Variants in TMPRSS11F observed in about 807,000 individuals in gnomAD.
The protein encoded by TMPRSS11F is transmembrane serine protease 11F.
Under a neutral mutation model 60.2 loss-of-function variants are expected in TMPRSS11F, and 47 were observed. The observed-to-expected ratio is 0.78, with a 90% confidence interval of 0.62 to 1.00. TMPRSS11F has a LOEUF of 1.00. TMPRSS11F is among the 50% of genes least tolerant of loss of function. TMPRSS11F has a pLI of 0.00. For synonymous variants in TMPRSS11F, 166 were observed against 167.3 expected, an observed-to-expected ratio of 0.99 and a Z score of 0.06; for missense variants, 519 against 522.9, an observed-to-expected ratio of 0.99 and a Z score of 0.07.
intron 9 of TMPRSS11F, among the ~76,000 whole-genome samples, chr4:68,055,577 A>C (rs535939460): frequency 6.6e-6 from 1 of 152,220 alleles, no homozygotes; most frequent in East Asian, 1.9e-4. Context: ...TGAATCAGTA[A>C]TTAAAAAGTC....
chr4:68,101,099 C>T (rs1382912232), intron 1 of TMPRSS11F, among the ~76,000 whole-genome samples: 1 of 152,140 alleles, frequency 6.6e-6, no homozygotes, highest in Non-Finnish European at 1.5e-5. Context: ...AGCCAAATAT[C>T]ACATTATGGT....
chr4:68,059,942 C>T (rs1487244750), intron 8 of TMPRSS11F, among the ~76,000 whole-genome samples: 5 of 152,124 alleles, frequency 3.3e-5, no homozygotes, highest in Admixed American at 6.5e-5. Flanking sequence ...TGTCTCACAG[C>T]ATGGGAAACA....
chr4:68,123,134 T>C (rs1724654244), intron 1 of TMPRSS11F, among the ~76,000 whole-genome samples: 1 of 152,242 alleles, frequency 6.6e-6, no homozygotes, highest in South Asian at 2.1e-4. Flanking sequence ...ATGTTTCACA[T>C]TCTTCTAAAA....
rs1419920432 is a variant in TMPRSS11F, at chr4:68,064,624, A to C, written c.1015+61T>G. ...AAGCTTAAGAGGGATTCTTTAAGAT[A>C]GATAGCTCGTTTGATCTCAAGACAT... On this transcript the variant is annotated intron_variant, in intron 8 of 9. Coordinates refer to ENST00000356291, the MANE Select transcript of TMPRSS11F (RefSeq NM_207407.2). 10 of 1,555,774 alleles carry C rather than the reference A, an allele frequency of 6.4e-6. No homozygotes were observed. In the African/African-American group the frequency reaches 1.2e-4, roughly 19 times the overall value.
chr4:68,053,765 T>C lies in TMPRSS11F; in HGVS notation c.*144A>G. Reference sequence around the variant, plus strand: ...TGGTCCTACGTATGTAAAGGCCACCTCAGGATATTAGATTTGTCTGGGTCT... The same window carrying C: ...TGGTCCTACGTATGTAAAGGCCACCCCAGGATATTAGATTTGTCTGGGTCT... On this transcript the variant is annotated 3_prime_UTR_variant, in exon 10 of 10. Transcript: ENST00000356291. 1.3e-6 allele frequency: 1 copy of C among 754,660 alleles called. No individual in the cohort carries two copies. The highest frequency in any genetic ancestry group is 2.4e-5 in the South Asian group (1 of 42,256). 46.7% of individuals were successfully genotyped at this position (754,660 alleles called of 1,614,324 possible).
chr4:68,069,908 T>C, intron 6 of TMPRSS11F, 61 bp downstream of exon 6: 2 of 1,420,590 alleles, frequency 1.4e-6, no homozygotes, highest in South Asian at 1.5e-5. Flanking sequence ...AACTTTTCTA[T>C]AACTTTTTTC....
At chr4:68,112,554 G>A (rs1378846103) in intron 1 of TMPRSS11F, among the ~76,000 whole-genome samples, 2 of 152,050 alleles carry the variant, frequency 1.3e-5, no homozygotes, top group Non-Finnish European at 2.9e-5. Flanking sequence ...TTACAGTACA[G>A]CCTATGTAGT....
chr4:68,120,644 T>C lies in TMPRSS11F; in HGVS notation c.11+9166A>G, dbSNP rs921097933. Among the ~76,000 whole-genome samples, 6 of 152,198 alleles carry C rather than the reference T, an allele frequency of 3.9e-5. No individual in the cohort carries two copies. The East Asian group carries it at 1.2e-3, about 29-fold the overall frequency. On this transcript the variant is annotated intron_variant, in intron 1 of 9. Transcript: ENST00000356291. The stretch of plus-strand genomic sequence containing the variant: ...ACCTCGTGATCCGCCCGCCTCGGCC[T>C]CCCAAAGTGCTGGGATTACAGGCGT...
intron 2 of TMPRSS11F, among the ~76,000 whole-genome samples, chr4:68,093,842 A>C (rs996376187): frequency 2.7e-5 from 4 of 149,158 alleles, no homozygotes; most frequent in East Asian, 2.0e-4. Context: ...ATCAAAACCA[A>C]AATGAGATAC....
intron 1 of TMPRSS11F, among the ~76,000 whole-genome samples, chr4:68,117,319 T>C (rs1034560170): frequency 1.3e-5 from 2 of 151,434 alleles, no homozygotes; most frequent in Admixed American, 6.6e-5. Flanking sequence ...TACAGAAAAT[T>C]AGCTGGGTGA....
At chr4:68,110,764 AT>A (rs1439005466) in intron 1 of TMPRSS11F, among the ~76,000 whole-genome samples, 1 of 152,132 alleles carries the variant, frequency 6.6e-6, no homozygotes, top group Non-Finnish European at 1.5e-5. Context: ...ACTGATTTTT[AT>A]TTTAAAACAC....
intron 1 of TMPRSS11F, among the ~76,000 whole-genome samples, chr4:68,108,441 A>G (rs1396319412): frequency 6.6e-6 from 1 of 152,098 alleles, no homozygotes; most frequent in Non-Finnish European, 1.5e-5. Flanking sequence ...ACTGGAAGGG[A>G]CCCCTGAGAC....
intron 2 of TMPRSS11F, among the ~76,000 whole-genome samples, chr4:68,096,207 G>A (rs893768579): frequency 9.2e-5 from 14 of 151,662 alleles, no homozygotes; most frequent in South Asian, 6.2e-4. Flanking sequence ...AAAAAAATAC[G>A]TACAATGCTG....
chr4:68,116,602 A>AG (rs1346023144), intron 1 of TMPRSS11F, among the ~76,000 whole-genome samples: 1 of 152,216 alleles, frequency 6.6e-6, no homozygotes, highest in Non-Finnish European at 1.5e-5. Flanking sequence ...TATACTACAA[A>AG]GCCATAGTAA....
intron 9 of TMPRSS11F, among the ~76,000 whole-genome samples, chr4:68,057,271 C>T (rs1159310486): frequency 3.0e-5 from 4 of 132,046 alleles, no homozygotes; most frequent in South Asian, 4.6e-4. Context: ...AGTGACAAAG[C>T]GAGACTGTCT....
At chr4:68,067,799 G>A (rs1723362175) in intron 7 of TMPRSS11F, among the ~76,000 whole-genome samples, 2 of 152,194 alleles carry the variant, frequency 1.3e-5, no homozygotes, top group Non-Finnish European at 2.9e-5. Context: ...ACCAGGGATA[G>A]GCTCCTTTAA....
At position 68,099,092 on chromosome 4, in the gene TMPRSS11F, T is replaced by C. The variant is rs1280927216; in HGVS notation, c.12-54A>G. On this transcript the variant is annotated intron_variant, in intron 1 of 9. Coordinates refer to ENST00000356291, the MANE Select transcript of TMPRSS11F (RefSeq NM_207407.2). ...ATAAAAATTCATTATAGTTCAACTT[T>C]ATGTTTACTTACTATGTTCCTCTAT... is the stretch of plus-strand genomic sequence containing the variant. The C allele has an allele frequency of 2.8e-6, 4 of 1,451,606 alleles. No individual in the cohort carries two copies. In the Admixed American group the frequency reaches 5.5e-5, roughly 20 times the overall value. The allele number at this position is 1,451,606 out of a possible 1,614,324, so 89.9% of individuals were successfully genotyped here.
rs560115063 is a variant in TMPRSS11F at position 68,104,010 on chromosome 4, G to A, written c.12-4972C>T. ...ATTTCATATGTTGATTTTGTACCCC[G>A]CAACGTTATAAAATTCACTTATTAG... is the stretch of plus-strand genomic sequence containing the variant. On this transcript the variant is annotated intron_variant, in intron 1 of 9. Coordinates refer to ENST00000356291, the MANE Select transcript of TMPRSS11F (RefSeq NM_207407.2). Among the ~76,000 whole-genome samples, 25 of 152,126 alleles carry A rather than the reference G, an allele frequency of 1.6e-4. 1 individual carries two copies. Among genetic ancestry groups the A allele is most frequent in the Admixed American group, 7.2e-4 (11 of 15,286 alleles).
At chr4:68,109,557 T>C (rs1577933027) in intron 1 of TMPRSS11F, among the ~76,000 whole-genome samples, 1 of 152,200 alleles carries the variant, frequency 6.6e-6, no homozygotes, top group Admixed American at 6.5e-5. Context: ...ATCAACCACC[T>C]AAATAATGTG....
Sources: allele counts gnomAD v4.1 joint callset (sites outside exome capture counted in the v4.1 genomes callset), GRCh38; gene constraint gnomAD v4.1.1; transcripts MANE v1.5; gene names NCBI Gene and HGNC (gene_info 2026-07-23, HGNC 2026-07-21).